Variants in LAMA1 observed in about 807,000 individuals in gnomAD.
LAMA1 encodes the protein laminin subunit alpha 1.
A neutral mutation model predicts 348.7 loss-of-function variants in LAMA1; 219 were observed. The ratio of observed to expected loss-of-function variants is 0.63; its 90% CI spans 0.56 to 0.70. LAMA1 has a LOEUF of 0.70. Ranked by LOEUF, LAMA1 falls within the 30% of genes least tolerant of loss-of-function variation. LAMA1 has a pLI of 0.00. For missense variants in LAMA1, 3,744 were observed against 3,888.0 expected (o/e 0.96, Z 0.99); for synonymous variants, 1,487 against 1,491.0 (o/e 1.00, Z 0.06).
In LAMA1 at chr18:7,103,248, A is replaced by T. The variant is rs866424413; in HGVS notation, c.61+14412T>A. ...ACGGCTAACATGGTGAACTAAAAAT[A>T]CAAAAAATTAGCCGGGCATGGTGGC... is the stretch of plus-strand genomic sequence containing the variant. On this transcript the variant is annotated intron_variant, in intron 1 of 62. Coordinates refer to ENST00000389658, the MANE Select transcript of LAMA1 (RefSeq NM_005559.4). Among the ~76,000 whole-genome samples the T allele has an allele frequency of 2.6e-5, 4 of 152,148 alleles. 1 individual carries two copies. In the Middle Eastern group the frequency reaches 0.014, roughly 521 times the overall value.
At chr18:7,071,742 G>A (rs1397263534) in intron 3 of LAMA1, among the ~76,000 whole-genome samples, 1 of 152,240 alleles carries the variant, frequency 6.6e-6, no homozygotes, top group African/African-American at 2.4e-5. Context: ...GAGGGTCAGA[G>A]TGGTGCAATG....
At chr18:7,000,142 T>C (rs547013048) in intron 30 of LAMA1, 145 bp from the exon 31 acceptor site, 19 of 652,884 alleles carry the variant, frequency 2.9e-5, no homozygotes, top group African/African-American at 2.7e-4. Context: ...ACAATCTACC[T>C]GGCAAAAAGA....
intron 60 of LAMA1, among the ~76,000 whole-genome samples, chr18:6,947,917 G>A (rs576918033): frequency 1.1e-3 from 162 of 152,264 alleles, no homozygotes; most frequent in Middle Eastern, 3.4e-3. Context: ...CTGAGGCCAT[G>A]GAGGGGGCTG....
At chr18:6,975,733 C>T (rs545566331) in intron 45 of LAMA1, among the ~76,000 whole-genome samples, 38 of 152,308 alleles carry the variant, frequency 2.5e-4, no homozygotes, top group African/African-American at 9.1e-4. Context: ...CCTTCAGAAA[C>T]GCCACTTTCC....
intron 57 of LAMA1, among the ~76,000 whole-genome samples, chr18:6,951,580 C>T (rs1297128466): frequency 1.3e-5 from 2 of 152,130 alleles, no homozygotes; most frequent in Non-Finnish European, 2.9e-5. Flanking sequence ...AGTGGGAAGT[C>T]ACAGGAGGGC....
intron 46 of LAMA1, among the ~76,000 whole-genome samples, chr18:6,974,455 C>CTTTTTTTTTTTTT (rs1213269695): frequency 7.8e-6 from 1 of 128,294 alleles, no homozygotes; most frequent in Non-Finnish European, 1.7e-5. Context: ...TATTTCTTTT[C>CTTTTTTTTTTTTT]TTTTTTTTTT....
chr18:7,008,853 C>T (rs1038759702), intron 27 of LAMA1, among the ~76,000 whole-genome samples: 5 of 152,152 alleles, frequency 3.3e-5, no homozygotes, highest in Non-Finnish European at 7.4e-5. Context: ...TCTTGAAGTG[C>T]TGATTTGGCC....
chr18:7,012,133 A>G lies in LAMA1; in HGVS notation c.3369T>C (p.Asn1123=), dbSNP rs752310136. Residue 1123 remains asparagine (N), a synonymous_variant, in exon 24 of 63, where the codon AAT becomes AAC. Coordinates refer to ENST00000389658, the MANE Select transcript of LAMA1 (RefSeq NM_005559.4). The part of the protein sequence containing the change: ...EETGACPCKE[N]VFGPQCNECR... ...ATTCGTTGCACTGAGGACCAAAGAC[A>G]TTTTCCTACAGGGGAGCAAATAAAG... The G allele has an allele frequency of 1.2e-6, 2 of 1,613,932 alleles. No individual in the cohort carries two copies. The highest frequency in any genetic ancestry group is 1.6e-4 in the Middle Eastern group (1 of 6,062).
chr18:7,005,729 G>C (rs898318599), intron 29 of LAMA1, among the ~76,000 whole-genome samples: 18 of 152,128 alleles, frequency 1.2e-4, no homozygotes, highest in African/African-American at 4.1e-4. Flanking sequence ...CTGGGTGACA[G>C]AGCAAGCCTC....
intron 40 of LAMA1, 142 bp downstream of exon 40, chr18:6,982,957 C>T (rs1051499315): frequency 9.3e-7 from 1 of 1,079,188 alleles, no homozygotes; most frequent in African/African-American, 1.6e-5. Flanking sequence ...AAACACAGAT[C>T]ATATGATGAC....
intron 3 of LAMA1, among the ~76,000 whole-genome samples, chr18:7,078,311 C>G (rs967396609): frequency 2.6e-4 from 40 of 151,026 alleles, no homozygotes; most frequent in Admixed American, 6.6e-5. Context: ...GGACTACAGG[C>G]GCCTGCCACC....
chr18:7,068,062 A>G (rs138048698), intron 3 of LAMA1, among the ~76,000 whole-genome samples: 254 of 152,306 alleles, frequency 1.7e-3, no homozygotes, highest in African/African-American at 5.7e-3. Context: ...CATGTTGGTC[A>G]GGCTGGTCTT....
chr18:7,114,701 C>T (rs983095587), intron 1 of LAMA1, among the ~76,000 whole-genome samples: 2 of 152,156 alleles, frequency 1.3e-5, no homozygotes, highest in African/African-American at 4.8e-5. Flanking sequence ...GAGAATTAAA[C>T]ACCTGAAGCT....
At chr18:6,949,354 G>A in intron 58 of LAMA1, 95 bp from the exon 59 acceptor site, 1 of 1,222,796 alleles carries the variant, frequency 8.2e-7, no homozygotes, top group Non-Finnish European at 1.2e-6. Context: ...CTGTTTCTGA[G>A]AGCTATAACA....
chr18:7,045,108 T>C (rs923602237), intron 6 of LAMA1, among the ~76,000 whole-genome samples: 1 of 152,160 alleles, frequency 6.6e-6, no homozygotes, highest in African/African-American at 2.4e-5. Context: ...ATGGAACTTA[T>C]TAAGGGTTTA....
intron 1 of LAMA1, among the ~76,000 whole-genome samples, chr18:7,088,824 T>C (rs1357860328): frequency 1.3e-5 from 2 of 152,126 alleles, no homozygotes; most frequent in Non-Finnish European, 2.9e-5. Context: ...GCCTGCTGTC[T>C]AATATATTCT....
intron 11 of LAMA1, chr18:7,038,446 T>G (rs2058005304): frequency 1.4e-5 from 5 of 363,156 alleles, no homozygotes; most frequent in South Asian, 9.2e-5. Context: ...GTCTTTGAGC[T>G]GGAAAATCCC....
intron 3 of LAMA1, among the ~76,000 whole-genome samples, chr18:7,078,821 C>A (rs1013339475): frequency 1.3e-5 from 2 of 151,930 alleles, no homozygotes; most frequent in African/African-American, 2.4e-5. Flanking sequence ...ATCCTGTCTA[C>A]TAAAAACACA....
At chr18:7,103,069 A>C (rs1157632793) in intron 1 of LAMA1, among the ~76,000 whole-genome samples, 1 of 152,114 alleles carries the variant, frequency 6.6e-6, no homozygotes, top group East Asian at 1.9e-4. Context: ...AGAGTGTCTG[A>C]ACTTCTTGTT....
Sources: gnomAD v4.1 joint callset for allele counts (sites outside exome capture counted in the v4.1 genomes callset) on GRCh38, gnomAD v4.1.1 for gene constraint, MANE v1.5 for transcripts, NCBI Gene and HGNC (gene_info 2026-07-23, HGNC 2026-07-21) for gene names.